Variants in SCNN1D observed in about 807,000 individuals in gnomAD.
SCNN1D encodes epithelial sodium channel subunit delta.
In SCNN1D, 104 loss-of-function variants were observed where a neutral mutation model predicts 87.8. The observed-to-expected ratio is 1.18, with a 90% confidence interval of 1.01 to 1.39. SCNN1D has a LOEUF of 1.39. Ranked by LOEUF, SCNN1D falls within the 40% of genes most tolerant of loss-of-function variation. SCNN1D has a pLI of 0.00. For synonymous variants in SCNN1D, 628 were observed against 481.2 expected (o/e 1.31, Z -3.99); for missense variants, 1,324 against 1,093.9 (o/e 1.21, Z -2.97).
chr1:1,286,532 T>G (rs6660742), intron 7 of SCNN1D, among the ~76,000 whole-genome samples: 1 of 150,810 alleles, frequency 6.6e-6, no homozygotes, highest in African/African-American at 2.4e-5. Context: ...GGAGGAGAGG[T>G]GGGGGTGGGC....
chr1:1,289,946 T>TCC (rs1553160363), intron 12 of SCNN1D, among the ~76,000 whole-genome samples: 8 of 41,456 alleles, frequency 1.9e-4, no homozygotes, highest in African/African-American at 5.2e-4. Context: ...CTCTGCTCCG[T>TCC]CCCGTGTCTC....
chr1:1,282,756 CTTT>C (rs61112547), intron 4 of SCNN1D, among the ~76,000 whole-genome samples: 2 of 142,560 alleles, frequency 1.4e-5, no homozygotes, highest in Middle Eastern at 3.3e-3. Context: ...GAATCACTTT[CTTT>C]TTTTTTTTTT....
At chr1:1,281,664 G>T in intron 3 of SCNN1D, 54 bp downstream of exon 3, 2 of 1,473,540 alleles carry the variant, frequency 1.4e-6, no homozygotes, top group Non-Finnish European at 1.8e-6. Context: ...GAGGGGGGTG[G>T]AGCCGGGAGC....
At chr1:1,280,891 C>T in intron 1 of SCNN1D, 2 of 584,900 alleles carry the variant, frequency 3.4e-6, no homozygotes, top group Non-Finnish European at 6.1e-6. Flanking sequence ...CCCACCCAGG[C>T]CAGCAGCCGG....
chr1:1,287,278 A>G lies in SCNN1D; in HGVS notation c.1289A>G (p.Asp430Gly). 1.2e-6 allele frequency: 2 copies of G among 1,602,402 alleles called. No homozygotes were observed. Among genetic ancestry groups the G allele is most frequent in the East Asian group, 4.5e-5 (2 of 44,600 alleles). ...DGHFVLSCSYDGLDCQARQFR... is the reference protein window; with the variant it reads ...DGHFVLSCSYGGLDCQARQFR... ...CACTTCGTCCTCTCCTGCAGTTACG[A>G]TGGCCTGGACTGCCAGGCCCGGTGA... Residue 430 changes from aspartate to glycine, a missense_variant, in exon 9 of 18, where the codon GAT (aspartate) becomes GGT (glycine). By Grantham distance (94) the Asp-to-Gly change is moderately conservative. Coordinates refer to ENST00000379116, the MANE Select transcript of SCNN1D (RefSeq NM_001130413.4).
At chr1:1,281,143 C>T in intron 1 of SCNN1D, 83 bp from the exon 2 acceptor site, 1 of 1,327,384 alleles carries the variant, frequency 7.5e-7, no homozygotes, top group South Asian at 1.3e-5. Context: ...GTGGGGGACG[C>T]TCACCCCAGG....
At position 1,285,469 on chromosome 1, in the gene SCNN1D, G is replaced by A. The variant is rs542435343; in HGVS notation, c.465-102G>A. 2.7e-5 allele frequency: 21 copies of A among 766,234 alleles called. No homozygotes were observed. In the East Asian group the frequency reaches 3.4e-4, roughly 13 times the overall value. 47.5% of individuals were successfully genotyped at this position (766,234 alleles called of 1,614,324 possible). ...TCCTCAGCAGGCCACACTGGGGGCT[G>A]GGGTGGGTGCAGCCATCAGGGGCAA... On this transcript the variant is annotated intron_variant, in intron 5 of 17. Transcript: ENST00000379116.
In SCNN1D at chr1:1,291,764, T is replaced by A; in HGVS notation, c.*154T>A. 1 of 546,726 alleles carries A rather than the reference T, an allele frequency of 1.8e-6. No homozygotes were observed. The highest frequency in any genetic ancestry group is 3.1e-6 in the Non-Finnish European group (1 of 324,378). The allele number at this position is 546,726 out of a possible 1,614,324, so 33.9% of individuals were successfully genotyped here. A position where few individuals can be genotyped will look rare whatever the true frequency, so the allele number is the denominator to read the frequency against. On this transcript the variant is annotated 3_prime_UTR_variant, in exon 18 of 18. Transcript: ENST00000379116. The stretch of plus-strand genomic sequence containing the variant: ...CAGGCACCGGGCATGTCGGCGCCTC[T>A]GGTCAAACCACCTACACTGCCTGGG...
chr1:1,286,983 T>G lies in SCNN1D; in HGVS notation c.1119+8T>G, dbSNP rs370083075. On this transcript the variant is annotated splice_region_variant and intron_variant, in intron 8 of 17. Transcript: ENST00000379116. ...AGAGTGGGGTTCAGACTGGTGAGTG[T>G]CCCAGCCGGGGCCTGCAGCCATCAG... 3 of 1,609,082 alleles carry G rather than the reference T, an allele frequency of 1.9e-6. No individual in the cohort carries two copies. In the African/African-American group the frequency reaches 4.0e-5, roughly 22 times the overall value.
chr1:1,290,724 G>A (rs776690839), intron 15 of SCNN1D, 30 bp downstream of exon 15: 1 of 1,611,550 alleles, frequency 6.2e-7, no homozygotes, highest in African/African-American at 1.3e-5. Context: ...GGGTGGGGGT[G>A]TGGACAGCCA....
At position 1,290,284 on chromosome 1, in the gene SCNN1D, C is replaced by T. The variant is rs1441627885; in HGVS notation, c.1676C>T (p.Ser559Phe). 2 of 1,569,344 alleles carry T rather than the reference C, an allele frequency of 1.3e-6. No homozygotes were observed. Among genetic ancestry groups the T allele is most frequent in the Non-Finnish European group, 1.7e-6 (2 of 1,156,206 alleles). ...CCCTGTCCCCAGGCCTGCCTGGTGT[C>T]CTGCTTCCAGCAGCTGATGGTGGAG... ...TSYTRQACLV[S>F]CFQQLMVETC... Residue 559 changes from serine to phenylalanine, a missense_variant, in exon 13 of 18, where the codon TCC becomes TTC. Physicochemically the swap from Ser to Phe is radical, Grantham distance 155 (BLOSUM62 -2). Transcript: ENST00000379116.
Position 1,291,934 on chromosome 1 carries a change from C to A in SCNN1D, c.*324C>A. The A allele has an allele frequency of 8.4e-6, 2 of 239,252 alleles. No homozygotes were observed. The highest frequency in any genetic ancestry group is 8.1e-6 in the Non-Finnish European group (1 of 123,150). 14.8% of individuals were successfully genotyped at this position (239,252 alleles called of 1,614,324 possible). A position where few individuals can be genotyped will look rare whatever the true frequency, so the allele number is the denominator to read the frequency against. On this transcript the variant is annotated 3_prime_UTR_variant, in exon 18 of 18. Transcript: ENST00000379116. ...GTCTGATGCACCTGTGTACGTGTGTCAAGCCTAGCCACCTCAGCTGCAGGG... is the reference window on the plus strand; with the variant it reads ...GTCTGATGCACCTGTGTACGTGTGTAAAGCCTAGCCACCTCAGCTGCAGGG...
chr1:1,285,586 G>T lies in SCNN1D; in HGVS notation c.480G>T (p.Val160=). 2 of 1,538,232 alleles carry T rather than the reference G, an allele frequency of 1.3e-6. No homozygotes were observed. The highest frequency in any genetic ancestry group is 1.8e-6 in the Non-Finnish European group (2 of 1,141,162). The change falls in exon 6 of 18, where the codon GTG becomes GTT. Residue 160 remains valine (V), a synonymous_variant. Coordinates refer to ENST00000379116, the MANE Select transcript of SCNN1D (RefSeq NM_001130413.4). ...CTTTGGGTAGATCGCCTGGGCCTGT[G>T]GCTCCCCAGAGGCCCTGCCACCTGA... ...GALTSRSPGP[V]APQRPCHLKG...
rs1381615287 is a variant in SCNN1D at position 1,286,710 on chromosome 1, C to T, written c.912-58C>T. The T allele has an allele frequency of 2.0e-6, 3 of 1,511,360 alleles. No homozygotes were observed. The African/African-American group carries it at 4.1e-5, about 21-fold the overall frequency. The allele number at this position is 1,511,360 out of a possible 1,614,324, so 93.6% of individuals were successfully genotyped here. ...TGTCCCGACAGCACACACTGGGATG[C>T]TGGGGCCAGTGTGAGGCCCCGGGCC... On this transcript the variant is annotated intron_variant, in intron 7 of 17. Coordinates refer to ENST00000379116, the MANE Select transcript of SCNN1D (RefSeq NM_001130413.4).
Position 1,286,208 on chromosome 1 carries a change from A to C in SCNN1D, c.841A>C (p.Met281Leu). 1 of 1,600,672 alleles carries C rather than the reference A, an allele frequency of 6.2e-7. No individual in the cohort carries two copies. The highest frequency in any genetic ancestry group is 8.5e-7 in the Non-Finnish European group (1 of 1,177,924). ...FERHWHRPVLMAVSVHSERKL... is the reference protein window; with the variant it reads ...FERHWHRPVLLAVSVHSERKL... ...GCGTCACTGGCACCGCCCGGTCCTC[A>C]TGGCCGTCTCTGTGCACTCGGAGCG... is the stretch of plus-strand genomic sequence containing the variant. The change falls in exon 7 of 18, where the codon ATG becomes CTG. Residue 281 changes from methionine (M) to leucine (L), a missense_variant. Met to Leu is a conservative substitution (Grantham distance 15). Transcript: ENST00000379116.
At position 1,287,553 on chromosome 1, in the gene SCNN1D, G is replaced by C. The variant is rs147856713; in HGVS notation, c.1356G>C (p.Thr452=). ...ACCCCACCTACGGCAGCTGCTACAC[G>C]GTCGATGGCGTCTGGACAGCTCAGC... ...FHHPTYGSCY[T]VDGVWTAQRP... is the part of the protein sequence containing the mutation. The change falls in exon 10 of 18, where the codon ACG becomes ACC. Residue 452 remains threonine, a synonymous_variant. Transcript: ENST00000379116. 52 of 1,548,600 alleles carry C rather than the reference G, an allele frequency of 3.4e-5. No homozygotes were observed. The highest frequency in any genetic ancestry group is 4.3e-5 in the Non-Finnish European group (49 of 1,144,608).
rs747527483 is a variant in SCNN1D, at chr1:1,287,947, G to A, written c.1572G>A (p.Val524=). Residue 524 remains valine (V), a synonymous_variant, in exon 12 of 18, where the codon GTG becomes GTA. Coordinates refer to ENST00000379116, the MANE Select transcript of SCNN1D (RefSeq NM_001130413.4). ...EATISIREDE[V]HRLGSPYGHC... ...GAAGCGTCCCCTCCCAGGACGAGGTGCACCGGCTCGGGAGCCCCTACGGCC... is the reference window on the plus strand; with the variant it reads ...GAAGCGTCCCCTCCCAGGACGAGGTACACCGGCTCGGGAGCCCCTACGGCC... 1 of 1,543,522 alleles carries A rather than the reference G, an allele frequency of 6.5e-7. No individual in the cohort carries two copies. Among genetic ancestry groups the A allele is most frequent in the Non-Finnish European group, 8.8e-7 (1 of 1,142,558 alleles).
intron 12 of SCNN1D, among the ~76,000 whole-genome samples, chr1:1,289,894 G>A (rs1246038869): frequency 2.6e-4 from 13 of 49,118 alleles, no homozygotes; most frequent in African/African-American, 4.2e-4. Flanking sequence ...GCTCCGTCCC[G>A]TGTCTCTGCT....
chr1:1,288,224 T>TGTCTCTGCTCCGTCCCGA (rs1557584188), intron 12 of SCNN1D, among the ~76,000 whole-genome samples, 187 bp downstream of exon 12: 4 of 135,812 alleles, frequency 2.9e-5, no homozygotes, highest in Non-Finnish European at 6.5e-5. Flanking sequence ...CTCCGTCCCG[T>TGTCTCTGCTCCGTCCCGA]GTCTCTGCTC....
Sources: gnomAD v4.1 joint callset for allele counts (sites outside exome capture counted in the v4.1 genomes callset) on GRCh38, gnomAD v4.1.1 for gene constraint, MANE v1.5 for transcripts, NCBI Gene and HGNC (gene_info 2026-07-23, HGNC 2026-07-21) for gene names.